TENM1: variants seen among roughly 807,000 people sequenced by gnomAD.
TENM1 encodes teneurin transmembrane protein 1.
TENM1 carries 35 observed loss-of-function variants against 174.8 expected under a neutral mutation model. The ratio of observed to expected loss-of-function variants is 0.20; its 90% CI spans 0.15 to 0.27. TENM1 has a LOEUF of 0.27. TENM1 is among the 10% of genes least tolerant of loss of function. TENM1 has a pLI of 1.00. For missense variants in TENM1, 1,633 were observed against 2,130.1 expected, an observed-to-expected ratio of 0.77 and a Z score of 4.59; for synonymous variants, 781 against 798.7, an observed-to-expected ratio of 0.98 and a Z score of 0.37.
At chrX:125,128,817 A>G in the TENM1 span, among the ~76,000 whole-genome samples, 9 of 111,598 alleles carry the variant, frequency 8.1e-5, no homozygotes, top group Non-Finnish European at 1.5e-4. Context: ...GCACACACAA[A>G]AAAAGTGCTC....
chrX:124,749,108 T>C (rs2054003327), intron 3 of TENM1, among the ~76,000 whole-genome samples: 1 of 111,454 alleles, frequency 9.0e-6, no homozygotes, highest in Non-Finnish European at 1.9e-5. Context: ...TATTTTCTTC[T>C]AAAAGTTCTA....
At chrX:125,137,447 C>G in the TENM1 span, among the ~76,000 whole-genome samples, 3 of 106,845 alleles carry the variant, frequency 2.8e-5, no homozygotes, top group Non-Finnish European at 3.9e-5. Flanking sequence ...ATGTGTGGTA[C>G]TAGTATTGGA....
In TENM1 at chrX:124,408,813, T is replaced by A. The variant is rs12849542; in HGVS notation, c.4983-2324A>T. Reference sequence around the variant, plus strand: ...TAGGTGTATCTCCTAATGCTATCCCTCCCCCCTCCCCCCACCCCACAACAG... The same window carrying A: ...TAGGTGTATCTCCTAATGCTATCCCACCCCCCTCCCCCCACCCCACAACAG... On this transcript the variant is annotated intron_variant, in intron 25 of 31. Coordinates refer to ENST00000422452, the Ensembl canonical transcript of TENM1. Among the ~76,000 whole-genome samples, 101 of 40,672 alleles carry A rather than the reference T, an allele frequency of 2.5e-3. 1 individual carries two copies. Among genetic ancestry groups the A allele is most frequent in the Non-Finnish European group, 3.5e-3 (85 of 24,031 alleles). The allele number at this position is 40,672 out of a possible 115,157, so 35.3% of individuals were successfully genotyped here.
At chrX:124,979,640 A>G in the TENM1 span, among the ~76,000 whole-genome samples, 5 of 111,648 alleles carry the variant, frequency 4.5e-5, no homozygotes, top group African/African-American at 6.5e-5. Context: ...TAGGTCTCAT[A>G]GCCAGCTTAC....
intron 3 of TENM1, among the ~76,000 whole-genome samples, chrX:124,847,178 C>A (rs1024317358): frequency 9.0e-6 from 1 of 110,922 alleles, no homozygotes; most frequent in Non-Finnish European, 1.9e-5. Flanking sequence ...CTCTCAGTCA[C>A]CAAGAGTGGG....
chrX:125,175,941 C>T, the TENM1 span, among the ~76,000 whole-genome samples: 827 of 111,564 alleles, frequency 7.4e-3, 4 homozygotes, highest in Non-Finnish European at 0.011. Flanking sequence ...GTATTCATAG[C>T]GCTAACGACA....
chrX:125,168,337 C>T, the TENM1 span, among the ~76,000 whole-genome samples: 2 of 111,430 alleles, frequency 1.8e-5, no homozygotes, highest in Non-Finnish European at 3.8e-5. Context: ...TTTCCTCAGT[C>T]CCTGTACATA....
chrX:124,682,324 A>G (rs947212964), intron 5 of TENM1, among the ~76,000 whole-genome samples: 2 of 111,600 alleles, frequency 1.8e-5, no homozygotes, highest in Non-Finnish European at 3.8e-5. Flanking sequence ...CTTTTTATAA[A>G]GGTTAGCATA....
At chrX:124,586,188 G>T (rs2049505991) in intron 11 of TENM1, among the ~76,000 whole-genome samples, 1 of 110,932 alleles carries the variant, frequency 9.0e-6, no homozygotes, top group Admixed American at 9.6e-5. Flanking sequence ...CTCATTTTAT[G>T]AGGCCAGCAT....
chrX:124,524,647 C>T (rs1369121861), intron 16 of TENM1, among the ~76,000 whole-genome samples: 1 of 111,577 alleles, frequency 9.0e-6, no homozygotes, highest in East Asian at 2.8e-4. Flanking sequence ...TGCACAACTT[C>T]ACCAACAACT....
At position 124,589,352 on chromosome X, in the gene TENM1, T is replaced by TTTGTTG. The variant is rs200125468; in HGVS notation, c.2078-23798_2078-23793dup. On this transcript the variant is annotated intron_variant, in intron 11 of 31. Transcript: ENST00000422452. ...GTTCAACAGGGATACTGGCCTGTAG[T>TTTGTTG]TTGTTGTTGTTGTTGTTGTTGTTGT... is the stretch of plus-strand genomic sequence containing the variant. Among the ~76,000 whole-genome samples the TTTGTTG allele has an allele frequency of 2.2e-3, 234 of 104,764 alleles. 1 individual carries two copies. The highest frequency in any genetic ancestry group is 6.1e-3 in the African/African-American group (174 of 28,461). The allele number at this position is 104,764 out of a possible 115,157, so 91.0% of individuals were successfully genotyped here.
At chrX:125,055,482 CTGA>C in the TENM1 span, among the ~76,000 whole-genome samples, 2 of 111,687 alleles carry the variant, frequency 1.8e-5, no homozygotes, top group Admixed American at 9.6e-5. Context: ...TTAGGAGTTC[CTGA>C]AGGGCAGATG....
the TENM1 span, among the ~76,000 whole-genome samples, chrX:125,157,833 G>C: frequency 9.0e-6 from 1 of 111,487 alleles, no homozygotes; most frequent in Non-Finnish European, 1.9e-5. Context: ...ACACATACCC[G>C]AGCAATTATC....
At chrX:124,892,127 T>C (rs754870154) in intron 3 of TENM1, among the ~76,000 whole-genome samples, 2 of 111,924 alleles carry the variant, frequency 1.8e-5, no homozygotes, top group Non-Finnish European at 3.8e-5. Context: ...ACCTAGGTAT[T>C]GACTGTTCAC....
intron 6 of TENM1, among the ~76,000 whole-genome samples, chrX:124,670,880 C>T (rs5958556): frequency 0.1 from 11,165 of 110,801 alleles, 1,115 homozygotes; most frequent in African/African-American, 0.31. Flanking sequence ...CATTTATTTA[C>T]GTTTGGTCTC....
chrX:124,623,078 C>G (rs1221480202), intron 11 of TENM1, among the ~76,000 whole-genome samples: 1 of 111,789 alleles, frequency 8.9e-6, no homozygotes, highest in African/African-American at 3.3e-5. Flanking sequence ...TTTATTCAAA[C>G]TAAGGACAAT....
intron 1 of TENM1, among the ~76,000 whole-genome samples, chrX:124,903,026 G>C (rs757797619): frequency 9.0e-6 from 1 of 111,151 alleles, no homozygotes; most frequent in African/African-American, 3.3e-5. Context: ...CTTTTTCTGG[G>C]GCACAGGAGT....
chrX:124,424,203 C>T (rs1264539417), intron 23 of TENM1, among the ~76,000 whole-genome samples: 2 of 111,552 alleles, frequency 1.8e-5, no homozygotes, highest in African/African-American at 6.5e-5. Context: ...ATATCAGGTG[C>T]TCTGGTTTGA....
Position 124,957,688 on chromosome X carries a change from C to A in TENM1, c.217+5849G>T, listed in dbSNP as rs753598255. 1.6e-4 allele frequency among the ~76,000 whole-genome samples: 18 copies of A among 109,238 alleles called. 1 individual carries two copies. In the Middle Eastern group the frequency reaches 0.014, roughly 86 times the overall value. 94.9% of individuals were successfully genotyped at this position (109,238 alleles called of 115,157 possible). On this transcript the variant is annotated intron_variant, in intron 1 of 31. Coordinates refer to ENST00000422452, the Ensembl canonical transcript of TENM1. ...CCTGAAGAGAAAAACAACCAACCAA[C>A]CAAACAAAAATGCTATTCGGAGAAA...
Sources: gnomAD v4.1 joint callset for allele counts (sites outside exome capture counted in the v4.1 genomes callset) on GRCh38, gnomAD v4.1.1 for gene constraint, MANE v1.5 for transcripts, NCBI Gene and HGNC (gene_info 2026-07-23, HGNC 2026-07-21) for gene names.